The following ERBB4 variants were observed in gnomAD, a reference collection of about 807,000 sequenced individuals.
ERBB4 encodes receptor tyrosine-protein kinase erbB-4.
Under a neutral mutation model 158.0 loss-of-function variants are expected in ERBB4, and 42 were observed. The observed-to-expected ratio is 0.27, with a 90% confidence interval of 0.21 to 0.34. The LOEUF is 0.34. Among genes scored for constraint, ERBB4 ranks in the 10% least tolerant of loss-of-function variants. The pLI is 1.00. For synonymous variants in ERBB4, 583 were observed against 558.7 expected, an observed-to-expected ratio of 1.04 and a Z score of -0.61; for missense variants, 1,333 against 1,624.1, an observed-to-expected ratio of 0.82 and a Z score of 3.08.
chr2:212,262,504 G>T (rs1169216402), intron 1 of ERBB4, among the ~76,000 whole-genome samples: 5 of 152,018 alleles, frequency 3.3e-5, no homozygotes, highest in Admixed American at 2.6e-4. Context: ...ACTAACTATG[G>T]TTAAAATATA....
Position 211,867,024 on chromosome 2 carries a change from C to CAA in ERBB4, c.422-78867_422-78866dup, listed in dbSNP as rs386392490. Among the ~76,000 whole-genome samples, 39 of 60,634 alleles carry CAA rather than the reference C, an allele frequency of 6.4e-4. 4 individuals carry two copies. The highest frequency in any genetic ancestry group is 1.7e-3 in the African/African-American group (24 of 14,498). 39.8% of individuals were successfully genotyped at this position (60,634 alleles called of 152,430 possible). On this transcript the variant is annotated intron_variant, in intron 3 of 27. Transcript: ENST00000342788. The stretch of plus-strand genomic sequence containing the variant: ...TATTAAACTCTCCATTCCTTAAAAC[C>CAA]AAAAAAAAAAAAAAAAAAAAAAAAA...
At chr2:212,425,469 G>A (rs2091893736) in intron 1 of ERBB4, among the ~76,000 whole-genome samples, 1 of 140,060 alleles carries the variant, frequency 7.1e-6, no homozygotes, top group African/African-American at 2.9e-5. Flanking sequence ...TTATTACAAA[G>A]TAATTGTATA....
intron 2 of ERBB4, among the ~76,000 whole-genome samples, chr2:212,040,476 G>A (rs573251196): frequency 1.3e-5 from 2 of 152,180 alleles, no homozygotes; most frequent in Admixed American, 1.3e-4. Context: ...AATATTGATG[G>A]CTTTGCAGCT....
Position 211,788,133 on chromosome 2 carries a change from C to G in ERBB4, c.448G>C (p.Asp150His), listed in dbSNP as rs1374439919. 1 of 1,612,470 alleles carries G rather than the reference C, an allele frequency of 6.2e-7. No homozygotes were observed. Among genetic ancestry groups the G allele is most frequent in the Non-Finnish European group, 8.5e-7 (1 of 1,178,720 alleles). Residue 150 changes from aspartate to histidine, a missense_variant, in exon 4 of 28, where the codon GAC (aspartate) becomes CAC (histidine). Asp to His is a moderately conservative substitution (Grantham distance 81). Transcript: ENST00000342788. ...TEILNGGVYV[D>H]QNKFLCYADT... is the part of the protein sequence containing the mutation. ...GCATAACAAAGGAATTTGTTCTGGT[C>G]TACATAGACTCCACCATTTAGGATT...
At chr2:211,614,635 A>G (rs2069317189) in intron 19 of ERBB4, among the ~76,000 whole-genome samples, 1 of 152,112 alleles carries the variant, frequency 6.6e-6, no homozygotes, top group Non-Finnish European at 1.5e-5. Context: ...AGCCATACAC[A>G]TGAAATTTTA....
chr2:212,267,894 T>C (rs1286911360), intron 1 of ERBB4, among the ~76,000 whole-genome samples: 2 of 151,856 alleles, frequency 1.3e-5, no homozygotes, highest in African/African-American at 4.8e-5. Flanking sequence ...AGCAATCTAT[T>C]TATCATATTA....
At chr2:211,475,250 C>T (rs973803501) in intron 20 of ERBB4, among the ~76,000 whole-genome samples, 5 of 152,064 alleles carry the variant, frequency 3.3e-5, no homozygotes, top group Admixed American at 6.6e-5. Flanking sequence ...TAAGTTACAA[C>T]TAAAAGACCT....
At chr2:212,057,347 C>T (rs2077611985) in intron 2 of ERBB4, among the ~76,000 whole-genome samples, 2 of 152,124 alleles carry the variant, frequency 1.3e-5, no homozygotes, top group African/African-American at 4.8e-5. Flanking sequence ...TTTAACACCG[C>T]ACTGTCAACA....
At chr2:212,385,138 C>T (rs1405694772) in intron 1 of ERBB4, among the ~76,000 whole-genome samples, 2 of 151,612 alleles carry the variant, frequency 1.3e-5, no homozygotes, top group African/African-American at 4.8e-5. Flanking sequence ...CCTAATTCAG[C>T]TGTGATGGAT....
chr2:211,978,891 T>C (rs1361121224), intron 2 of ERBB4, among the ~76,000 whole-genome samples: 1 of 152,172 alleles, frequency 6.6e-6, no homozygotes, highest in East Asian at 1.9e-4. Context: ...ATCTGATTTT[T>C]AAATAGTGTT....
intron 1 of ERBB4, among the ~76,000 whole-genome samples, chr2:212,374,777 A>G (rs1300080114): frequency 6.6e-6 from 1 of 152,010 alleles, no homozygotes; most frequent in African/African-American, 2.4e-5. Context: ...AAAATTGCAT[A>G]TGATTTGGGG....
At chr2:211,574,539 A>T (rs1559310602) in intron 19 of ERBB4, among the ~76,000 whole-genome samples, 1 of 152,236 alleles carries the variant, frequency 6.6e-6, no homozygotes, top group Non-Finnish European at 1.5e-5. Context: ...TACCAATGCT[A>T]CATAAAGAGA....
chr2:211,754,769 C>T (rs1053206240), intron 4 of ERBB4, among the ~76,000 whole-genome samples: 5 of 150,058 alleles, frequency 3.3e-5, no homozygotes, highest in African/African-American at 7.4e-5. Flanking sequence ...GGCACAATTT[C>T]GGCTCACTGC....
intron 1 of ERBB4, among the ~76,000 whole-genome samples, chr2:212,167,711 C>T (rs908266016): frequency 6.6e-6 from 1 of 152,034 alleles, no homozygotes; most frequent in Non-Finnish European, 1.5e-5. Flanking sequence ...CAATGATAGA[C>T]TGGATAAAGA....
intron 1 of ERBB4, among the ~76,000 whole-genome samples, chr2:212,201,797 T>C (rs1306187522): frequency 4.6e-5 from 7 of 152,238 alleles, no homozygotes; most frequent in Admixed American, 6.5e-5. Flanking sequence ...GCTTATTAAG[T>C]AGACTATCAA....
intron 2 of ERBB4, among the ~76,000 whole-genome samples, chr2:211,973,224 T>A (rs1021517897): frequency 6.9e-6 from 1 of 144,538 alleles, no homozygotes; most frequent in Non-Finnish European, 1.5e-5. Context: ...TTTTTTGAAA[T>A]GGAGTCTCGC....
At chr2:211,510,351 T>C (rs1035311993) in intron 20 of ERBB4, among the ~76,000 whole-genome samples, 3 of 152,038 alleles carry the variant, frequency 2.0e-5, no homozygotes, top group Admixed American at 6.5e-5. Flanking sequence ...TTTAAAAAAT[T>C]ACTTACTGGG....
Position 212,428,913 on chromosome 2 carries a change from G to A in ERBB4, c.82+109536C>T, listed in dbSNP as rs181687679. Among the ~76,000 whole-genome samples the A allele has an allele frequency of 1.6e-4, 25 of 152,234 alleles. No homozygotes were observed. The Middle Eastern group carries it at 0.014, about 83-fold the overall frequency. ...CACTCAGGAAATGAACTGACTTCAG[G>A]GGAGGGGTTATGTGGAACCCCAGTG... On this transcript the variant is annotated intron_variant, in intron 1 of 27. Coordinates refer to ENST00000342788, the MANE Select transcript of ERBB4 (RefSeq NM_005235.3).
chr2:212,308,123 A>C (rs1024497485), intron 1 of ERBB4, among the ~76,000 whole-genome samples: 1 of 151,138 alleles, frequency 6.6e-6, no homozygotes, highest in African/African-American at 2.4e-5. Context: ...TGTCTAATAA[A>C]AATACTTGGT....
Sources: gnomAD v4.1 joint callset for allele counts (sites outside exome capture counted in the v4.1 genomes callset) on GRCh38, gnomAD v4.1.1 for gene constraint, MANE v1.5 for transcripts, NCBI Gene and HGNC (gene_info 2026-07-23, HGNC 2026-07-21) for gene names.